The following SULF1 variants were observed in gnomAD, a reference collection of about 807,000 sequenced individuals.
SULF1 encodes extracellular sulfatase Sulf-1.
A neutral mutation model predicts 110.5 loss-of-function variants in SULF1; 46 were observed. The ratio of observed to expected loss-of-function variants is 0.42; its 90% CI spans 0.33 to 0.53. The LOEUF (loss-of-function observed/expected upper bound fraction) is 0.53, where lower values mean the gene tolerates loss of function less well. Among genes scored for constraint, SULF1 ranks in the 20% least tolerant of loss-of-function variants. SULF1 has a pLI of 0.12. For missense variants in SULF1, 941 were observed against 1,094.2 expected (o/e 0.86, Z 1.98); for synonymous variants, 371 against 387.1 (o/e 0.96, Z 0.49).
At chr8:69,477,782 C>T (rs2150536813) in intron 1 of SULF1, among the ~76,000 whole-genome samples, 1 of 152,270 alleles carries the variant, frequency 6.6e-6, no homozygotes, top group Non-Finnish European at 1.5e-5. Flanking sequence ...ATTCCCTTCA[C>T]CTAGATGGCA....
rs1291397462 is a variant in SULF1, at chr8:69,495,907, A to G, written c.-248A>G. On this transcript the variant is annotated 5_prime_UTR_variant, in exon 2 of 23. Coordinates refer to ENST00000402687, the MANE Select transcript of SULF1 (RefSeq NM_001128205.2). ...AAATTCTTCCCATACTCTTGAAGAGAGCATAATTGGAATGGAGAGGTGGGT... is the reference window on the plus strand; with the variant it reads ...AAATTCTTCCCATACTCTTGAAGAGGGCATAATTGGAATGGAGAGGTGGGT... 6.6e-6 allele frequency: 1 copy of G among 152,210 alleles called. No individual in the cohort carries two copies. Among genetic ancestry groups the G allele is most frequent in the Non-Finnish European group, 1.5e-5 (1 of 68,042 alleles). 9.4% of individuals were successfully genotyped at this position (152,210 alleles called of 1,614,324 possible). A position where few individuals can be genotyped will look rare whatever the true frequency, so the allele number is the denominator to read the frequency against.
chr8:69,612,447 G>A (rs1202741261), intron 13 of SULF1, among the ~76,000 whole-genome samples: 4 of 152,128 alleles, frequency 2.6e-5, no homozygotes, highest in Non-Finnish European at 5.9e-5. Flanking sequence ...TGTAATGGTT[G>A]CACTAATTTA....
intron 3 of SULF1, among the ~76,000 whole-genome samples, chr8:69,542,372 T>C (rs1813913741): frequency 6.6e-6 from 1 of 151,982 alleles, no homozygotes; most frequent in Admixed American, 6.6e-5. Flanking sequence ...TCACAGAACA[T>C]GAAGGAAACT....
At position 69,628,165 on chromosome 8, in the gene SULF1, C is replaced by T. The variant is rs750539614; in HGVS notation, c.2043-6C>T. 2 of 1,611,522 alleles carry T rather than the reference C, an allele frequency of 1.2e-6. No individual in the cohort carries two copies. The highest frequency in any genetic ancestry group is 2.7e-5 in the African/African-American group (2 of 74,866). ...AAGTCTCACTTTTTAATCTTCTCTC[C>T]TGCAGCTATTACAATAAAGAGAAAG... On this transcript the variant is annotated splice_region_variant and splice_polypyrimidine_tract_variant and intron_variant, in intron 17 of 22. Transcript: ENST00000402687.
At chr8:69,505,116 A>G (rs1479226618) in intron 3 of SULF1, among the ~76,000 whole-genome samples, 1 of 152,240 alleles carries the variant, frequency 6.6e-6, no homozygotes, top group African/African-American at 2.4e-5. Flanking sequence ...AAGCTGCCCA[A>G]GCATTTCCTG....
chr8:69,523,852 T>C (rs951807460), intron 3 of SULF1, among the ~76,000 whole-genome samples: 12 of 151,894 alleles, frequency 7.9e-5, no homozygotes, highest in Non-Finnish European at 1.6e-4. Context: ...GAGCGGGCAG[T>C]TACCAGTACT....
chr8:69,568,101 A>G (rs1283421715), intron 5 of SULF1, among the ~76,000 whole-genome samples: 1 of 152,222 alleles, frequency 6.6e-6, no homozygotes, highest in Non-Finnish European at 1.5e-5. Flanking sequence ...TTTTTACTCC[A>G]GTGCAATTTT....
intron 13 of SULF1, among the ~76,000 whole-genome samples, chr8:69,619,828 G>T (rs1044661281): frequency 6.6e-6 from 1 of 152,176 alleles, no homozygotes; most frequent in Non-Finnish European, 1.5e-5. Flanking sequence ...AGTCTTTTGG[G>T]CTCCAGCCCT....
intron 3 of SULF1, among the ~76,000 whole-genome samples, chr8:69,548,448 CTTT>C (rs11420223): frequency 0.03 from 4,105 of 138,654 alleles, 171 homozygotes; most frequent in African/African-American, 0.1. Flanking sequence ...TGGATGTTAA[CTTT>C]TTTTTTTTTT....
At chr8:69,499,326 A>G (rs1262889475) in intron 2 of SULF1, among the ~76,000 whole-genome samples, 2 of 152,230 alleles carry the variant, frequency 1.3e-5, no homozygotes, top group Non-Finnish European at 2.9e-5. Flanking sequence ...CCATACACCA[A>G]TAATACTCTA....
intron 8 of SULF1, among the ~76,000 whole-genome samples, chr8:69,600,037 A>G (rs1225617507): frequency 6.6e-6 from 1 of 152,232 alleles, no homozygotes; most frequent in Non-Finnish European, 1.5e-5. Context: ...AGACTTGGTT[A>G]TCATTCCCAC....
At chr8:69,602,697 T>A (rs1235837886) in intron 10 of SULF1, among the ~76,000 whole-genome samples, 1 of 152,188 alleles carries the variant, frequency 6.6e-6, no homozygotes, top group Non-Finnish European at 1.5e-5. Context: ...AAAGGTTTCT[T>A]TGAAGAATGT....
intron 14 of SULF1, among the ~76,000 whole-genome samples, chr8:69,622,111 ATTG>A (rs1207065458): frequency 6.6e-6 from 1 of 152,218 alleles, no homozygotes; most frequent in South Asian, 2.1e-4. Flanking sequence ...TTCATCCAAA[ATTG>A]TTGTGTTTTC....
At chr8:69,602,910 C>G (rs942504188) in intron 10 of SULF1, among the ~76,000 whole-genome samples, 4 of 152,114 alleles carry the variant, frequency 2.6e-5, no homozygotes, top group African/African-American at 9.7e-5. Context: ...ATGCTTGCTG[C>G]AAAAACCATG....
chr8:69,477,405 G>C (rs1485252872), intron 1 of SULF1, among the ~76,000 whole-genome samples: 1 of 152,150 alleles, frequency 6.6e-6, no homozygotes, highest in Non-Finnish European at 1.5e-5. Flanking sequence ...GAAATTAAAA[G>C]TGTTCCTACA....
intron 6 of SULF1, among the ~76,000 whole-genome samples, chr8:69,581,794 G>A (rs936706870): frequency 9.2e-5 from 14 of 152,096 alleles, no homozygotes; most frequent in Non-Finnish European, 1.9e-4. Flanking sequence ...GAAAGAGGCC[G>A]GGGTGATTAC....
rs112951747 is a variant in SULF1 at position 69,576,331 on chromosome 8, A to C, written c.412+122A>C. On this transcript the variant is annotated intron_variant, in intron 6 of 22. Coordinates refer to ENST00000402687, the MANE Select transcript of SULF1 (RefSeq NM_001128205.2). ...ACCTAAAAAAGGATCAAGTGTTTTT[A>C]AACTGCTTGACATCTACCCCAGGGT... The C allele has an allele frequency of 7.0e-4, 821 of 1,172,276 alleles. 8 individuals are homozygous for C. In the African/African-American group the frequency reaches 0.011, roughly 16 times the overall value. The allele number at this position is 1,172,276 out of a possible 1,614,324, so 72.6% of individuals were successfully genotyped here. A position where few individuals can be genotyped will look rare whatever the true frequency, so the allele number is the denominator to read the frequency against.
chr8:69,548,933 C>A (rs1814492560), intron 3 of SULF1, among the ~76,000 whole-genome samples: 1 of 152,132 alleles, frequency 6.6e-6, no homozygotes, highest in Admixed American at 6.5e-5. Context: ...CACACACATA[C>A]ACACACACAA....
intron 1 of SULF1, among the ~76,000 whole-genome samples, chr8:69,473,557 C>T (rs1254121836): frequency 6.6e-6 from 1 of 152,170 alleles, no homozygotes. Context: ...CATTCTAAAG[C>T]TGGATGGACA....
Sources: allele counts gnomAD v4.1 joint callset (sites outside exome capture counted in the v4.1 genomes callset), GRCh38; gene constraint gnomAD v4.1.1; transcripts MANE v1.5; gene names NCBI Gene and HGNC (gene_info 2026-07-23, HGNC 2026-07-21).